The following ERG variants were observed in gnomAD, a reference collection of about 807,000 sequenced individuals.
The protein encoded by ERG is transcriptional regulator ERG.
In ERG, 9 loss-of-function variants were observed where a neutral mutation model predicts 55.3. The ratio of observed to expected loss-of-function variants is 0.16; its 90% CI spans 0.10 to 0.28. The LOEUF (loss-of-function observed/expected upper bound fraction) is 0.28. Among genes scored for constraint, ERG ranks in the 10% least tolerant of loss-of-function variants. The pLI is 1.00. For missense variants in ERG, 434 were observed against 631.6 expected (o/e 0.69, Z 3.35); for synonymous variants, 223 against 237.3 (o/e 0.94, Z 0.55).
intron 2 of ERG, among the ~76,000 whole-genome samples, chr21:38,548,674 CA>C (rs1338444182): frequency 2.1e-5 from 3 of 145,462 alleles, no homozygotes; most frequent in Non-Finnish European, 4.5e-5. Context: ...CCGTGTTAGC[CA>C]GGATGGTCTC....
intron 1 of ERG, among the ~76,000 whole-genome samples, chr21:38,469,654 C>T (rs1243992530): frequency 1.3e-5 from 2 of 152,088 alleles, no homozygotes; most frequent in Non-Finnish European, 2.9e-5. Flanking sequence ...CTATCAAATA[C>T]ATGGAGAAGT....
intron 2 of ERG, among the ~76,000 whole-genome samples, chr21:38,507,283 C>T (rs1367488374): frequency 6.6e-6 from 1 of 152,222 alleles, no homozygotes. Flanking sequence ...ATGCAGCATC[C>T]TGATAACAGG....
chr21:38,515,255 C>T (rs947141350), intron 2 of ERG, among the ~76,000 whole-genome samples: 10 of 151,772 alleles, frequency 6.6e-5, no homozygotes, highest in Non-Finnish European at 1.5e-4. Context: ...CAAAAACAGA[C>T]AAGATGCTCT....
intron 2 of ERG, among the ~76,000 whole-genome samples, chr21:38,432,395 C>T (rs1303096559): frequency 6.6e-6 from 1 of 152,172 alleles, no homozygotes; most frequent in African/African-American, 2.4e-5. Flanking sequence ...CACTGAAACC[C>T]CTAATTTCTA....
Position 38,400,638 on chromosome 21 carries a change from TGC to T in ERG, c.679_680del (p.Ala227SerfsTer12). 6.2e-7 allele frequency: 1 copy of T among 1,602,954 alleles called. No homozygotes were observed. Among genetic ancestry groups the T allele is most frequent in the Non-Finnish European group, 8.5e-7 (1 of 1,170,934 alleles). On this transcript the variant is annotated frameshift_variant, in exon 6 of 10. Transcript: ENST00000288319. LOFTEE classifies it high-confidence loss of function. ...CTGAAGTATTTGGGAAAATAAAAGC[TGC>T]ACCCCCTGCAGACAAAAGGAAAGAC... ...RLMHARNTGG[A>X]AFIFPNTSVY...
chr21:38,541,282 T>C (rs62219616), intron 2 of ERG, among the ~76,000 whole-genome samples: 69,493 of 152,060 alleles, frequency 0.46, 18,518 homozygotes, highest in Non-Finnish European at 0.62. Flanking sequence ...AAGTCCAGAT[T>C]ACCCAACTAC....
chr21:38,391,103 T>C (rs2038709189), intron 8 of ERG, 61 bp from the exon 9 acceptor site: 5 of 1,368,534 alleles, frequency 3.7e-6, no homozygotes, highest in African/African-American at 1.4e-5. Flanking sequence ...ATGATGTGAC[T>C]TCAGACATAA....
chr21:38,547,062 A>G (rs577696760), intron 2 of ERG, among the ~76,000 whole-genome samples: 1 of 152,296 alleles, frequency 6.6e-6, no homozygotes, highest in Admixed American at 6.5e-5. Context: ...GAGTGGGAAT[A>G]TGAGCCAGGG....
chr21:38,595,823 C>G (rs2060127847), intron 1 of ERG, among the ~76,000 whole-genome samples: 2 of 152,188 alleles, frequency 1.3e-5, no homozygotes, highest in East Asian at 3.9e-4. Flanking sequence ...ACACACCTGC[C>G]TGGTGAACCA....
chr21:38,564,847 G>A (rs1255359462), intron 2 of ERG, among the ~76,000 whole-genome samples: 1 of 152,032 alleles, frequency 6.6e-6, no homozygotes, highest in African/African-American at 2.4e-5. Flanking sequence ...CTGCATCTTG[G>A]TCCCTAGGTG....
chr21:38,604,525 TAAAAG>T (rs2060185412), intron 1 of ERG, among the ~76,000 whole-genome samples: 1 of 152,234 alleles, frequency 6.6e-6, no homozygotes, highest in African/African-American at 2.4e-5. Flanking sequence ...ACTTTTTAAT[TAAAAG>T]AAATTTCATG....
chr21:38,418,597 T>C (rs1989390867), intron 3 of ERG, among the ~76,000 whole-genome samples: 1 of 151,836 alleles, frequency 6.6e-6, no homozygotes, highest in Admixed American at 6.6e-5. Flanking sequence ...ATTTTCCAGG[T>C]AATCTTGATA....
At chr21:38,539,097 T>C (rs1203329473) in intron 2 of ERG, among the ~76,000 whole-genome samples, 2 of 152,238 alleles carry the variant, frequency 1.3e-5, no homozygotes, top group Admixed American at 6.5e-5. Context: ...GAAGGCACTT[T>C]AACGATGCTG....
chr21:38,532,156 G>A (rs191527055), intron 2 of ERG, among the ~76,000 whole-genome samples: 49 of 152,320 alleles, frequency 3.2e-4, no homozygotes, highest in African/African-American at 1.1e-3. Context: ...AACAAAGGGT[G>A]AGACCCTCAT....
intron 1 of ERG, among the ~76,000 whole-genome samples, chr21:38,608,514 T>C (rs951986715): frequency 1.3e-5 from 2 of 152,224 alleles, no homozygotes; most frequent in African/African-American, 4.8e-5. Flanking sequence ...TCCTTCATTA[T>C]AGAGAGAGGT....
intron 2 of ERG, among the ~76,000 whole-genome samples, chr21:38,424,181 G>GCACTCTCT (rs1555896858): frequency 1.1e-5 from 1 of 88,004 alleles, no homozygotes; most frequent in African/African-American, 4.4e-5. Flanking sequence ...AGAGACCAGA[G>GCACTCTCT]CTCGAGCTCT....
chr21:38,557,206 T>G (rs2059863762), intron 2 of ERG, among the ~76,000 whole-genome samples: 1 of 152,242 alleles, frequency 6.6e-6, no homozygotes, highest in Non-Finnish European at 1.5e-5. Context: ...CTAAGAAAAG[T>G]GTTAAATCTC....
Position 38,546,383 on chromosome 21 carries a change from C to T in ERG, c.-41+29279G>A, listed in dbSNP as rs996671257. 3.3e-5 allele frequency among the ~76,000 whole-genome samples: 5 copies of T among 152,160 alleles called. No homozygotes were observed. In the South Asian group the frequency reaches 1.0e-3, roughly 32 times the overall value. On this transcript the variant is annotated intron_variant, in intron 2 of 8. Coordinates refer to the ERG transcript ENST00000398897. ...GTACTGTGCTTCCTTCAGTGCCACT[C>T]TAGCACGCCCACTCCAGCACACCCT...
intron 2 of ERG, among the ~76,000 whole-genome samples, chr21:38,431,272 C>A (rs1428037524): frequency 1.3e-5 from 2 of 152,130 alleles, no homozygotes; most frequent in Non-Finnish European, 2.9e-5. Context: ...CTGGAAGAAG[C>A]CCCATTTTCA....
Sources: allele counts gnomAD v4.1 joint callset (sites outside exome capture counted in the v4.1 genomes callset), GRCh38; gene constraint gnomAD v4.1.1; transcripts MANE v1.5; gene names NCBI Gene and HGNC (gene_info 2026-07-23, HGNC 2026-07-21).